DDAH1: variants seen among roughly 807,000 people sequenced by gnomAD.
The protein encoded by DDAH1 is N(G),N(G)-dimethylarginine dimethylaminohydrolase 1.
A neutral mutation model predicts 28.8 loss-of-function variants in DDAH1; 19 were observed. The ratio of observed to expected loss-of-function variants is 0.66; its 90% CI spans 0.46 to 0.97. The LOEUF (loss-of-function observed/expected upper bound fraction) is 0.97. DDAH1 is among the 50% of genes least tolerant of loss of function. The pLI, the probability that DDAH1 is intolerant of heterozygous loss-of-function variation, is 0.00. For missense variants in DDAH1, 326 were observed against 375.9 expected (o/e 0.87, Z 1.10); for synonymous variants, 153 against 154.4 (o/e 0.99, Z 0.07).
In DDAH1 at chr1:85,336,650, C is replaced by T. The variant is rs536657438; in HGVS notation, c.598-11767G>A. On this transcript the variant is annotated intron_variant, in intron 4 of 5. Coordinates refer to ENST00000284031, the MANE Select transcript of DDAH1 (RefSeq NM_012137.4). Reference sequence around the variant, plus strand: ...GAACTAGAAAAGCAAGAACCAAACACAAAACTAGTAGAAGGAAAGAAATAA... The same window carrying T: ...GAACTAGAAAAGCAAGAACCAAACATAAAACTAGTAGAAGGAAAGAAATAA... Among the ~76,000 whole-genome samples, 5 of 150,806 alleles carry T rather than the reference C, an allele frequency of 3.3e-5. No homozygotes were observed. The South Asian group carries it at 1.0e-3, about 32-fold the overall frequency.
At chr1:85,468,122 C>T (rs1655449489), upstream of DDAH1, among the ~76,000 whole-genome samples, 3 of 152,202 alleles carry the variant, frequency 2.0e-5, no homozygotes, top group Non-Finnish European at 4.4e-5. Flanking sequence ...GATCTATTTA[C>T]ATATCTATAG....
intron 1 of DDAH1, among the ~76,000 whole-genome samples, chr1:85,360,267 T>C (rs1475398840): frequency 6.6e-6 from 1 of 152,240 alleles, no homozygotes; most frequent in African/African-American, 2.4e-5. Flanking sequence ...CTGGAACTCA[T>C]GTAAAAATTC....
intron 1 of DDAH1, among the ~76,000 whole-genome samples, chr1:85,363,716 C>A (rs927253133): frequency 6.6e-6 from 1 of 152,200 alleles, no homozygotes; most frequent in Non-Finnish European, 1.5e-5. Context: ...AGGTCATATT[C>A]AAAAGACCAC....
chr1:85,331,553 T>C (rs1647768726), intron 4 of DDAH1, among the ~76,000 whole-genome samples: 1 of 152,144 alleles, frequency 6.6e-6, no homozygotes, highest in Admixed American at 6.5e-5. Context: ...CTACTGCATA[T>C]CTAAAATCAT....
At chr1:85,569,070 G>A (rs1261704421) in intron 1 of DDAH1, among the ~76,000 whole-genome samples, 2 of 152,160 alleles carry the variant, frequency 1.3e-5, no homozygotes, top group African/African-American at 4.8e-5. Flanking sequence ...AACTCCCCAA[G>A]AATCTACTGA....
chr1:85,532,228 T>G (rs1382501795), intron 1 of DDAH1, among the ~76,000 whole-genome samples: 2 of 151,296 alleles, frequency 1.3e-5, no homozygotes, highest in African/African-American at 4.8e-5. Flanking sequence ...CTCTTGATTC[T>G]CTCTAAGTGC....
intron 4 of DDAH1, among the ~76,000 whole-genome samples, chr1:85,326,217 G>A (rs565914707): frequency 2.6e-5 from 4 of 152,290 alleles, no homozygotes; most frequent in African/African-American, 9.6e-5. Flanking sequence ...GAGGCCAAGA[G>A]CAATCCCATA....
At chr1:85,544,726 G>A (rs976984416) in intron 1 of DDAH1, among the ~76,000 whole-genome samples, 1 of 152,106 alleles carries the variant, frequency 6.6e-6, no homozygotes, top group African/African-American at 2.4e-5. Context: ...GATGGAACAC[G>A]ACTCCTTTTA....
intron 4 of DDAH1, among the ~76,000 whole-genome samples, chr1:85,330,628 C>A (rs1647701952): frequency 6.6e-6 from 1 of 152,188 alleles, no homozygotes; most frequent in South Asian, 2.1e-4. Context: ...CTGAATGATA[C>A]AAATGAGTTC....
At chr1:85,403,680 TATTC>T in intron 1 of DDAH1, among the ~76,000 whole-genome samples, 1 of 152,346 alleles carries the variant, frequency 6.6e-6, no homozygotes. Context: ...TAAAATAAGT[TATTC>T]ACAAAAGAAA....
intron 1 of DDAH1, among the ~76,000 whole-genome samples, chr1:85,441,823 TG>T (rs1158812042): frequency 1.3e-5 from 2 of 152,374 alleles, no homozygotes; most frequent in East Asian, 3.9e-4. Flanking sequence ...AAGAAAGATC[TG>T]TCTTATATCA....
chr1:85,408,209 G>T (rs1244205537), intron 1 of DDAH1, among the ~76,000 whole-genome samples: 1 of 152,002 alleles, frequency 6.6e-6, no homozygotes, highest in Non-Finnish European at 1.5e-5. Context: ...ATAGAGCATG[G>T]AACGTTCTGC....
intron 1 of DDAH1, among the ~76,000 whole-genome samples, chr1:85,434,283 T>C (rs901965786): frequency 1.7e-4 from 26 of 152,204 alleles, no homozygotes; most frequent in African/African-American, 4.6e-4. Context: ...CCTAGCCCCA[T>C]TGACTTGTGA....
chr1:85,349,089 T>A (rs760095131), intron 4 of DDAH1, among the ~76,000 whole-genome samples: 95 of 152,324 alleles, frequency 6.2e-4, no homozygotes, highest in Non-Finnish European at 9.6e-4. Flanking sequence ...ACACCATTTA[T>A]CAAATGTTTT....
At chr1:85,577,067 G>A (rs1360143995) in intron 1 of DDAH1, among the ~76,000 whole-genome samples, 1 of 152,038 alleles carries the variant, frequency 6.6e-6, no homozygotes, top group Non-Finnish European at 1.5e-5. Flanking sequence ...GCCGCGCGCC[G>A]CCGGAAACCT....
At chr1:85,400,177 CTTTTTTTTTTTT>C (rs61677601) in intron 1 of DDAH1, among the ~76,000 whole-genome samples, 3 of 54,946 alleles carry the variant, frequency 5.5e-5, no homozygotes, top group Non-Finnish European at 1.2e-4. Flanking sequence ...CTTTTCTTTT[CTTTTTTTTTTTT>C]TTTTTTTTTT....
chr1:85,419,869 T>C lies in DDAH1; in HGVS notation c.303+44874A>G, dbSNP rs1163000351. ...CCTTGAGAGTTTTCAGGAGAGCTGA[T>C]TTTATTTTATTTTATTTTTGTAGAA... On this transcript the variant is annotated intron_variant, in intron 1 of 5. Transcript: ENST00000284031. 2.6e-5 allele frequency among the ~76,000 whole-genome samples: 4 copies of C among 152,064 alleles called. 1 individual carries two copies. The East Asian group carries it at 7.7e-4, about 29-fold the overall frequency.
chr1:85,483,663 T>C (rs1277045235), intron 2 of DDAH1, among the ~76,000 whole-genome samples: 1 of 152,224 alleles, frequency 6.6e-6, no homozygotes, highest in African/African-American at 2.4e-5. Flanking sequence ...AAGCTTCACA[T>C]CAATTTTGGC....
At chr1:85,374,480 CT>C (rs1299278089) in intron 1 of DDAH1, among the ~76,000 whole-genome samples, 3 of 152,108 alleles carry the variant, frequency 2.0e-5, no homozygotes, top group Admixed American at 1.3e-4. Flanking sequence ...TATATTTAAT[CT>C]CTCTGAGAGG....
Sources: allele counts gnomAD v4.1 joint callset (sites outside exome capture counted in the v4.1 genomes callset), GRCh38; gene constraint gnomAD v4.1.1; transcripts MANE v1.5; gene names NCBI Gene and HGNC (gene_info 2026-07-23, HGNC 2026-07-21).